ARHGAP24: variants seen among roughly 807,000 people sequenced by gnomAD.
ARHGAP24 encodes the protein rho GTPase-activating protein 24.
Under a neutral mutation model 76.4 loss-of-function variants are expected in ARHGAP24, and 50 were observed. That is an observed-to-expected ratio of 0.65 (90% CI 0.52 to 0.83). The LOEUF (loss-of-function observed/expected upper bound fraction) is 0.83. Among genes scored for constraint, ARHGAP24 ranks in the 40% least tolerant of loss-of-function variants. The pLI is 0.00. For synonymous variants in ARHGAP24, 345 were observed against 323.3 expected, an observed-to-expected ratio of 1.07 and a Z score of -0.72; for missense variants, 930 against 914.2, an observed-to-expected ratio of 1.02 and a Z score of -0.22.
In ARHGAP24 at chr4:85,942,102, A is replaced by G. The variant is rs761699005; in HGVS notation, c.428A>G (p.Tyr143Cys). The part of the protein sequence containing the change: ...FGQKLEDTVR[Y>C]EKRYGNRLAP... ...CAGAAACTGGAGGATACTGTTCGTT[A>G]TGAGAAGAGATATGGGAACCGTCTG... Residue 143 changes from tyrosine to cysteine, a missense_variant, in exon 5 of 10, where the codon TAT (tyrosine) becomes TGT (cysteine). By Grantham distance (194) the Tyr-to-Cys change is radical. Coordinates refer to ENST00000395184, the MANE Select transcript of ARHGAP24 (RefSeq NM_001025616.3). 14 of 1,613,794 alleles carry G rather than the reference A, an allele frequency of 8.7e-6. No homozygotes were observed. The highest frequency in any genetic ancestry group is 4.0e-5 in the African/African-American group (3 of 74,866).
intron 3 of ARHGAP24, among the ~76,000 whole-genome samples, chr4:85,787,762 C>T (rs1727919580): frequency 6.6e-6 from 1 of 152,090 alleles, no homozygotes; most frequent in African/African-American, 2.4e-5. Flanking sequence ...TGGCAGGATC[C>T]TAAGTGCTCC....
chr4:85,744,280 T>C (rs1725943027), intron 3 of ARHGAP24, among the ~76,000 whole-genome samples: 1 of 152,212 alleles, frequency 6.6e-6, no homozygotes, highest in African/African-American at 2.4e-5. Context: ...TAAGCTTCAA[T>C]CCTGGAGAGG....
rs994355400 is a variant in ARHGAP24 at position 85,723,130 on chromosome 4, T to C, written c.268+1158T>C. Among the ~76,000 whole-genome samples, 4 of 150,790 alleles carry C rather than the reference T, an allele frequency of 2.7e-5. No homozygotes were observed. In the East Asian group the frequency reaches 8.4e-4, roughly 32 times the overall value. On this transcript the variant is annotated intron_variant, in intron 3 of 9. Transcript: ENST00000395184. The stretch of plus-strand genomic sequence containing the variant: ...TCTTACTTCTTAGTGGAATACCCTG[T>C]ATAGAACCAGATTCCAGATGTTACA...
intron 8 of ARHGAP24, among the ~76,000 whole-genome samples, chr4:85,979,796 C>T (rs2148858545): frequency 6.6e-6 from 1 of 152,212 alleles, no homozygotes; most frequent in African/African-American, 2.4e-5. Context: ...TTTTTAACTC[C>T]TCTAAAAATG....
intron 3 of ARHGAP24, among the ~76,000 whole-genome samples, chr4:85,851,148 A>G (rs1230038611): frequency 2.0e-5 from 3 of 152,188 alleles, no homozygotes; most frequent in Admixed American, 1.3e-4. Flanking sequence ...TTGGGTGCAT[A>G]TATATTTAGA....
chr4:85,619,096 A>G (rs967636056), intron 2 of ARHGAP24, among the ~76,000 whole-genome samples: 1 of 152,060 alleles, frequency 6.6e-6, no homozygotes, highest in African/African-American at 2.4e-5. Context: ...TTACAGTTTC[A>G]GGTCTTGCAT....
At position 85,554,948 on chromosome 4, in the gene ARHGAP24, G is replaced by A. The variant is rs191539693; in HGVS notation, c.-20-15574G>A. The stretch of plus-strand genomic sequence containing the variant: ...GCCCACCTCAGCCTCCCAAAGTGTT[G>A]GGATTACAGGCATGAGCCACCGCAC... On this transcript the variant is annotated intron_variant, in intron 1 of 9. Coordinates refer to ENST00000395184, the MANE Select transcript of ARHGAP24 (RefSeq NM_001025616.3). Among the ~76,000 whole-genome samples the A allele has an allele frequency of 1.7e-3, 264 of 151,702 alleles. 1 individual carries two copies. The highest frequency in any genetic ancestry group is 6.2e-3 in the African/African-American group (255 of 41,350).
intron 6 of ARHGAP24, among the ~76,000 whole-genome samples, chr4:85,973,849 T>TTG (rs1739150677): frequency 2.3e-5 from 3 of 128,230 alleles, no homozygotes; most frequent in South Asian, 2.5e-4. Flanking sequence ...TTTTTTTTTT[T>TTG]TTTTTTTTTT....
chr4:85,609,306 T>C (rs1720306837), intron 2 of ARHGAP24, among the ~76,000 whole-genome samples: 2 of 152,154 alleles, frequency 1.3e-5, no homozygotes. Flanking sequence ...GGAGCAATAG[T>C]GTTGTTTCCG....
At chr4:85,825,534 T>TA (rs928134393) in intron 3 of ARHGAP24, among the ~76,000 whole-genome samples, 2 of 152,190 alleles carry the variant, frequency 1.3e-5, no homozygotes, top group African/African-American at 4.8e-5. Flanking sequence ...AAAATTAAGA[T>TA]AAAATAATGC....
rs114853892 is a variant in ARHGAP24 at position 85,908,991 on chromosome 4, A to T, written c.269-14657A>T. Among the ~76,000 whole-genome samples the T allele has an allele frequency of 8.3e-3, 1,269 of 152,304 alleles. 10 individuals carry two copies. The highest frequency in any genetic ancestry group is 0.014 in the Non-Finnish European group (935 of 68,004). The stretch of plus-strand genomic sequence containing the variant: ...TAGCTTGTAGACATATTAAAGAACA[A>T]TAAGTAATGAATGGAGCCAAATAAT... On this transcript the variant is annotated intron_variant, in intron 3 of 9. Transcript: ENST00000395184.
chr4:85,753,586 G>A (rs1428400790), intron 3 of ARHGAP24, among the ~76,000 whole-genome samples: 2 of 152,146 alleles, frequency 1.3e-5, no homozygotes, highest in African/African-American at 4.8e-5. Context: ...AGCAATTTAT[G>A]CGCCCCACAT....
chr4:85,565,989 G>T (rs994825005), intron 1 of ARHGAP24, among the ~76,000 whole-genome samples: 1 of 152,116 alleles, frequency 6.6e-6, no homozygotes, highest in Non-Finnish European at 1.5e-5. Context: ...GTTGAAACCA[G>T]TTTCCTCCTC....
At chr4:85,658,948 AT>A (rs908466437) in intron 2 of ARHGAP24, among the ~76,000 whole-genome samples, 1 of 152,128 alleles carries the variant, frequency 6.6e-6, no homozygotes, top group Non-Finnish European at 1.5e-5. Context: ...AGCTGATAGG[AT>A]TTGCTGAGAG....
intron 2 of ARHGAP24, among the ~76,000 whole-genome samples, chr4:85,636,267 T>C (rs1047400920): frequency 6.6e-6 from 1 of 151,914 alleles, no homozygotes; most frequent in African/African-American, 2.4e-5. Flanking sequence ...GCGTTAGTTT[T>C]TGTCTTTACA....
intron 2 of ARHGAP24, among the ~76,000 whole-genome samples, chr4:85,705,193 G>A (rs1578156367): frequency 6.6e-6 from 1 of 151,816 alleles, no homozygotes; most frequent in Non-Finnish European, 1.5e-5. Context: ...ATGAGAAAAT[G>A]CAAATTATAA....
intron 2 of ARHGAP24, among the ~76,000 whole-genome samples, chr4:85,680,843 A>G (rs1247066085): frequency 6.6e-6 from 1 of 151,002 alleles, no homozygotes; most frequent in Non-Finnish European, 1.5e-5. Flanking sequence ...TAAGACCTAT[A>G]TTTTGAGTAT....
chr4:85,881,182 C>A (rs1235361385), intron 3 of ARHGAP24, among the ~76,000 whole-genome samples: 1 of 152,130 alleles, frequency 6.6e-6, no homozygotes, highest in Non-Finnish European at 1.5e-5. Context: ...CATGGATACA[C>A]TGGACAAAAG....
At chr4:85,830,007 T>C (rs942495788) in intron 3 of ARHGAP24, among the ~76,000 whole-genome samples, 2 of 152,270 alleles carry the variant, frequency 1.3e-5, no homozygotes, top group Non-Finnish European at 2.9e-5. Flanking sequence ...CATGCCAGTC[T>C]GTTCAAACAC....
Sources: gnomAD v4.1 joint callset for allele counts (sites outside exome capture counted in the v4.1 genomes callset) on GRCh38, gnomAD v4.1.1 for gene constraint, MANE v1.5 for transcripts, NCBI Gene and HGNC (gene_info 2026-07-23, HGNC 2026-07-21) for gene names.